Variants in ZBTB20 observed in about 807,000 individuals in gnomAD.
ZBTB20 encodes the protein zinc finger and BTB domain-containing protein 20.
A neutral mutation model predicts 56.9 loss-of-function variants in ZBTB20; 9 were observed. The ratio of observed to expected loss-of-function variants is 0.16; its 90% CI spans 0.10 to 0.28. The LOEUF (loss-of-function observed/expected upper bound fraction) is 0.28, where lower values mean the gene tolerates loss of function less well. Among genes scored for constraint, ZBTB20 ranks in the 10% least tolerant of loss-of-function variants. The probability of loss-of-function intolerance (pLI) is 1.00; values close to 1 mark genes in which losing one functional copy is unlikely to be tolerated. For missense variants in ZBTB20, 655 were observed against 1,003.0 expected (o/e 0.65, Z 4.69); for synonymous variants, 417 against 420.7 (o/e 0.99, Z 0.11).
At chr3:114,797,079 T>G (rs2071384613) in intron 5 of ZBTB20, among the ~76,000 whole-genome samples, 1 of 151,866 alleles carries the variant, frequency 6.6e-6, no homozygotes, top group Non-Finnish European at 1.5e-5. Context: ...GAAAATAATT[T>G]TATCCCTTAA....
chr3:114,412,063 A>C (rs1218206498), intron 7 of ZBTB20, among the ~76,000 whole-genome samples: 1 of 152,168 alleles, frequency 6.6e-6, no homozygotes, highest in Non-Finnish European at 1.5e-5. Flanking sequence ...AGTATAATGC[A>C]GTACATTCAG....
chr3:114,424,533 T>C (rs2089475421), intron 7 of ZBTB20, among the ~76,000 whole-genome samples: 1 of 152,184 alleles, frequency 6.6e-6, no homozygotes. Context: ...GCTTTGAAAG[T>C]TGCTATTCTA....
intron 6 of ZBTB20, among the ~76,000 whole-genome samples, chr3:114,591,946 T>C (rs2055809771): frequency 6.6e-6 from 1 of 152,200 alleles, no homozygotes; most frequent in Non-Finnish European, 1.5e-5. Flanking sequence ...GATTTTTGCA[T>C]CACTCTTCCT....
Position 114,423,589 on chromosome 3 carries a change from G to A in ZBTB20, c.-254-34484C>T, listed in dbSNP as rs1344396288. ...TTAGTAAGATGATGTGTTAATAGATGTTCCTTACCTATAACTCAGATTAAA... is the reference window on the plus strand; with the variant it reads ...TTAGTAAGATGATGTGTTAATAGATATTCCTTACCTATAACTCAGATTAAA... On this transcript the variant is annotated intron_variant, in intron 7 of 11. Coordinates refer to ENST00000675478, the MANE Select transcript of ZBTB20 (RefSeq NM_001348800.3). 2.0e-5 allele frequency among the ~76,000 whole-genome samples: 3 copies of A among 152,248 alleles called. No homozygotes were observed. The South Asian group carries it at 6.2e-4, about 32-fold the overall frequency.
chr3:114,391,549 G>T (rs1050782929), intron 7 of ZBTB20, among the ~76,000 whole-genome samples: 2 of 152,170 alleles, frequency 1.3e-5, no homozygotes, highest in Non-Finnish European at 2.9e-5. Context: ...AATTAGAATG[G>T]TTATTTGTGT....
At position 114,438,545 on chromosome 3, in the gene ZBTB20, G is replaced by C. The variant is rs569795687; in HGVS notation, c.-254-49440C>G. Reference sequence around the variant, plus strand: ...AAGGTGCTTGGAGGAAAGAAGGAGAGATGAGTTCTTCTGAACCACATTATG... The same window carrying C: ...AAGGTGCTTGGAGGAAAGAAGGAGACATGAGTTCTTCTGAACCACATTATG... On this transcript the variant is annotated intron_variant, in intron 7 of 11. Transcript: ENST00000675478. Among the ~76,000 whole-genome samples, 8 of 152,154 alleles carry C rather than the reference G, an allele frequency of 5.3e-5. No individual in the cohort carries two copies. The South Asian group carries it at 1.7e-3, about 32-fold the overall frequency.
Position 114,494,946 on chromosome 3 carries a change from A to G in ZBTB20, c.-255+5406T>C, listed in dbSNP as rs541696458. 6.6e-5 allele frequency among the ~76,000 whole-genome samples: 10 copies of G among 152,342 alleles called. No individual in the cohort carries two copies. In the South Asian group the frequency reaches 1.0e-3, roughly 16 times the overall value. ...ACTTTGGTATATGATTTTGCTTGGA[A>G]TATGATTCTGTTTCTCTTCATCTTT... On this transcript the variant is annotated intron_variant, in intron 7 of 11. Coordinates refer to ENST00000675478, the MANE Select transcript of ZBTB20 (RefSeq NM_001348800.3).
intron 5 of ZBTB20, among the ~76,000 whole-genome samples, chr3:114,748,408 C>A (rs1051676783): frequency 8.8e-6 from 1 of 113,712 alleles, no homozygotes; most frequent in Admixed American, 1.0e-4. Context: ...TTGTAGCTTC[C>A]TCTTTCTCTC....
intron 6 of ZBTB20, among the ~76,000 whole-genome samples, chr3:114,508,131 A>T (rs892529030): frequency 7.9e-5 from 12 of 152,162 alleles, no homozygotes; most frequent in Admixed American, 1.3e-4. Flanking sequence ...GTAATATATG[A>T]ACTCACTATT....
At chr3:114,873,268 T>G (rs1360625807) in intron 4 of ZBTB20, 2 of 152,064 alleles carry the variant, frequency 1.3e-5, no homozygotes, top group African/African-American at 4.8e-5. Context: ...AACTAGCACA[T>G]AGTGAGCACT....
intron 3 of ZBTB20, among the ~76,000 whole-genome samples, chr3:114,932,273 T>G (rs766693774): frequency 6.6e-6 from 1 of 152,210 alleles, no homozygotes; most frequent in Non-Finnish European, 1.5e-5. Flanking sequence ...ATCCACAGAA[T>G]TTATTTCAAA....
At chr3:114,438,956 T>G (rs2090725854) in intron 7 of ZBTB20, among the ~76,000 whole-genome samples, 2 of 151,994 alleles carry the variant, frequency 1.3e-5, no homozygotes, top group African/African-American at 4.8e-5. Context: ...ATACCACAAC[T>G]CTCAAAACTC....
At chr3:114,435,160 G>A (rs1559785570) in intron 7 of ZBTB20, among the ~76,000 whole-genome samples, 1 of 152,102 alleles carries the variant, frequency 6.6e-6, no homozygotes, top group Non-Finnish European at 1.5e-5. Flanking sequence ...AGATTAATCT[G>A]TGGAGTATCC....
chr3:114,461,189 C>T lies in ZBTB20; in HGVS notation c.-255+39163G>A, dbSNP rs140157199. Among the ~76,000 whole-genome samples the T allele has an allele frequency of 4.2e-3, 639 of 152,218 alleles. 3 individuals are homozygous for T. Among genetic ancestry groups the T allele is most frequent in the African/African-American group, 0.015 (620 of 41,532 alleles). ...ACCTGAACTCATTCAGAAGTGAGTG[C>T]TCTCTTGCTAGACCCCCACCCCACA... On this transcript the variant is annotated intron_variant, in intron 7 of 11. Coordinates refer to ENST00000675478, the MANE Select transcript of ZBTB20 (RefSeq NM_001348800.3).
intron 2 of ZBTB20, among the ~76,000 whole-genome samples, chr3:115,038,985 C>A (rs1248966992): frequency 6.6e-6 from 1 of 152,038 alleles, no homozygotes; most frequent in African/African-American, 2.4e-5. Context: ...GACATCATAA[C>A]TAGATAATAT....
chr3:114,663,577 A>G (rs1360352515), intron 6 of ZBTB20, among the ~76,000 whole-genome samples: 2 of 151,782 alleles, frequency 1.3e-5, no homozygotes, highest in African/African-American at 2.4e-5. Context: ...TTCTCCAATT[A>G]AAAGACACAG....
At chr3:114,777,546 T>C (rs1029056255) in intron 5 of ZBTB20, among the ~76,000 whole-genome samples, 9 of 152,088 alleles carry the variant, frequency 5.9e-5, no homozygotes, top group Non-Finnish European at 1.3e-4. Flanking sequence ...CACAGTGAGA[T>C]ACCATCTCAC....
chr3:114,542,169 G>C (rs980239618), intron 6 of ZBTB20, among the ~76,000 whole-genome samples: 2 of 152,068 alleles, frequency 1.3e-5, no homozygotes, highest in African/African-American at 4.8e-5. Context: ...AATACATGAT[G>C]CACTGAGCTG....
chr3:114,957,521 A>G (rs927901897), intron 3 of ZBTB20, among the ~76,000 whole-genome samples: 1 of 152,202 alleles, frequency 6.6e-6, no homozygotes, highest in African/African-American at 2.4e-5. Context: ...ACTGCCGTAA[A>G]GAACATCTAT....
Sources: allele counts gnomAD v4.1 joint callset (sites outside exome capture counted in the v4.1 genomes callset), GRCh38; gene constraint gnomAD v4.1.1; transcripts MANE v1.5; gene names NCBI Gene and HGNC (gene_info 2026-07-23, HGNC 2026-07-21).